Variants in RAB10 observed in about 807,000 individuals in gnomAD.
The protein encoded by RAB10 is RAB10, member RAS oncogene family.
RAB10 carries 5 observed loss-of-function variants against 25.7 expected under a neutral mutation model. The observed-to-expected ratio is 0.19, with a 90% CI of 0.10 to 0.41. RAB10 has a LOEUF of 0.41. Among genes scored for constraint, RAB10 ranks in the 10% least tolerant of loss-of-function variants. The pLI is 1.00. For missense variants in RAB10, 103 were observed against 245.8 expected (o/e 0.42, Z 3.89); for synonymous variants, 89 against 86.4 (o/e 1.03, Z -0.16).
At chr2:26,118,382 GCCCACTGTAGCCCAGA>G (rs2149286819) in intron 3 of RAB10, among the ~76,000 whole-genome samples, 1 of 141,896 alleles carries the variant, frequency 7.0e-6, no homozygotes, top group East Asian at 2.4e-4. Flanking sequence ...TGTGAACACA[GCCCACTGTAGCCCAGA>G]CCTCCCGGGC....
Position 26,135,669 on chromosome 2 carries a change from G to A in RAB10, c.*648G>A, listed in dbSNP as rs553501225. On this transcript the variant is annotated 3_prime_UTR_variant, in exon 6 of 6. Coordinates refer to ENST00000264710, the MANE Select transcript of RAB10 (RefSeq NM_016131.5). ...GTAATTTTCAAAGTAGTTAATTGAG[G>A]ACAAAGGGTAATGCAGAAGTGATAG... 1.3e-5 allele frequency: 2 copies of A among 152,690 alleles called. No individual in the cohort carries two copies. Among genetic ancestry groups the A allele is most frequent in the South Asian group, 4.1e-4 (2 of 4,822 alleles). 9.5% of individuals were successfully genotyped at this position (152,690 alleles called of 1,614,324 possible).
intron 1 of RAB10, among the ~76,000 whole-genome samples, chr2:26,084,536 C>T (rs140505497): frequency 8.5e-5 from 13 of 152,144 alleles, no homozygotes; most frequent in African/African-American, 1.4e-4. Context: ...GTACATGGTA[C>T]GTGTTTTTGG....
chr2:26,095,755 T>A (rs1284495610), intron 1 of RAB10, among the ~76,000 whole-genome samples: 1 of 151,550 alleles, frequency 6.6e-6, no homozygotes, highest in East Asian at 1.9e-4. Flanking sequence ...CTACAAATAA[T>A]ACAAGAATTA....
intron 1 of RAB10, among the ~76,000 whole-genome samples, chr2:26,041,354 A>G (rs1376639917): frequency 6.6e-6 from 1 of 151,752 alleles, no homozygotes. Flanking sequence ...CAGCCTGGCC[A>G]ACATGGTGAA....
chr2:26,134,617 C>T (rs1668071595), intron 5 of RAB10, among the ~76,000 whole-genome samples: 1 of 152,140 alleles, frequency 6.6e-6, no homozygotes, highest in Non-Finnish European at 1.5e-5. Context: ...TCCACAATGC[C>T]TTTTAAGTAC....
At chr2:26,114,949 C>G (rs1667652963) in intron 3 of RAB10, among the ~76,000 whole-genome samples, 1 of 151,890 alleles carries the variant, frequency 6.6e-6, no homozygotes, top group Non-Finnish European at 1.5e-5. Flanking sequence ...CATGTAAGAT[C>G]TAAAGCCATG....
chr2:26,045,571 G>C (rs1212363444), intron 1 of RAB10, among the ~76,000 whole-genome samples: 1 of 152,208 alleles, frequency 6.6e-6, no homozygotes, highest in African/African-American at 2.4e-5. Context: ...AGGCAGAGCT[G>C]TGGTAGCAGT....
At chr2:26,100,557 G>A (rs1486351555) in intron 2 of RAB10, among the ~76,000 whole-genome samples, 1 of 152,202 alleles carries the variant, frequency 6.6e-6, no homozygotes, top group African/African-American at 2.4e-5. Context: ...GGTTGGGGAA[G>A]CTGTGTACTC....
intron 1 of RAB10, among the ~76,000 whole-genome samples, chr2:26,074,779 G>A (rs1012933525): frequency 2.0e-5 from 3 of 152,156 alleles, no homozygotes; most frequent in Non-Finnish European, 4.4e-5. Flanking sequence ...ATCTGGAGTC[G>A]AACTCATGTC....
chr2:26,048,413 A>G (rs1056647188), intron 1 of RAB10, among the ~76,000 whole-genome samples: 1 of 152,186 alleles, frequency 6.6e-6, no homozygotes, highest in African/African-American at 2.4e-5. Context: ...CATTCTGATA[A>G]GTGTGTAGTG....
At chr2:26,036,253 C>T (rs983313309) in intron 1 of RAB10, among the ~76,000 whole-genome samples, 2 of 152,130 alleles carry the variant, frequency 1.3e-5, no homozygotes, top group African/African-American at 2.4e-5. Flanking sequence ...GAGGAGCATT[C>T]CGGTGAGATA....
At chr2:26,059,950 A>G (rs1197639397) in intron 1 of RAB10, among the ~76,000 whole-genome samples, 1 of 152,236 alleles carries the variant, frequency 6.6e-6, no homozygotes, top group African/African-American at 2.4e-5. Flanking sequence ...TAAAAATATT[A>G]AAAGATTGTC....
chr2:26,080,303 A>G (rs1395077020), intron 1 of RAB10, among the ~76,000 whole-genome samples: 18 of 152,236 alleles, frequency 1.2e-4, no homozygotes, highest in Admixed American at 1.0e-3. Flanking sequence ...TGTAAAAAGA[A>G]TGAGAGAAAC....
At chr2:26,045,065 C>T (rs1375788330) in intron 1 of RAB10, among the ~76,000 whole-genome samples, 2 of 149,052 alleles carry the variant, frequency 1.3e-5, no homozygotes, top group East Asian at 4.0e-4. Flanking sequence ...GGATTTTGTT[C>T]GGGTTACTTG....
intron 2 of RAB10, among the ~76,000 whole-genome samples, chr2:26,107,931 AG>A (rs1270394453): frequency 6.6e-6 from 1 of 152,192 alleles, no homozygotes; most frequent in Non-Finnish European, 1.5e-5. Flanking sequence ...TCTTAGCCAC[AG>A]GGAAATACAG....
chr2:26,048,950 C>T (rs1228047759), intron 1 of RAB10, among the ~76,000 whole-genome samples: 2 of 152,164 alleles, frequency 1.3e-5, no homozygotes, highest in Non-Finnish European at 2.9e-5. Context: ...TTTTCATCCT[C>T]TTCACATGGG....
chr2:26,086,157 A>C (rs1026184311), intron 1 of RAB10, among the ~76,000 whole-genome samples: 3 of 151,976 alleles, frequency 2.0e-5, no homozygotes, highest in African/African-American at 7.3e-5. Flanking sequence ...TCTACTAAAA[A>C]TACAAAAAAA....
chr2:26,072,081 T>C (rs1559584485), intron 1 of RAB10, among the ~76,000 whole-genome samples: 1 of 152,000 alleles, frequency 6.6e-6, no homozygotes, highest in Non-Finnish European at 1.5e-5. Context: ...ATTGCGCAGA[T>C]AAAAAGACCT....
chr2:26,074,183 T>G (rs542421266), intron 1 of RAB10, among the ~76,000 whole-genome samples: 167 of 147,426 alleles, frequency 1.1e-3, no homozygotes, highest in Non-Finnish European at 1.9e-3. Flanking sequence ...GAGCCTGAGA[T>G]GATGGTATGG....
Sources: gnomAD v4.1 joint callset for allele counts (sites outside exome capture counted in the v4.1 genomes callset) on GRCh38, gnomAD v4.1.1 for gene constraint, MANE v1.5 for transcripts, NCBI Gene and HGNC (gene_info 2026-07-23, HGNC 2026-07-21) for gene names.